The following KSR2 variants were observed in gnomAD, a reference collection of about 807,000 sequenced individuals.
KSR2 encodes kinase suppressor of ras 2.
Under a neutral mutation model 107.8 loss-of-function variants are expected in KSR2, and 25 were observed. The ratio of observed to expected loss-of-function variants is 0.23; its 90% CI spans 0.17 to 0.32. The LOEUF (loss-of-function observed/expected upper bound fraction) is 0.32. Among genes scored for constraint, KSR2 ranks in the 10% least tolerant of loss-of-function variants. KSR2 has a pLI of 1.00. For missense variants in KSR2, 887 were observed against 1,268.9 expected, an observed-to-expected ratio of 0.70 and a Z score of 4.57; for synonymous variants, 480 against 507.0, an observed-to-expected ratio of 0.95 and a Z score of 0.71.
chr12:117,844,055 T>A (rs1365055922), intron 3 of KSR2, among the ~76,000 whole-genome samples: 1 of 150,984 alleles, frequency 6.6e-6, no homozygotes, highest in Non-Finnish European at 1.5e-5. Flanking sequence ...GATTGACCCA[T>A]CACTGAGATC....
At chr12:117,717,380 A>G (rs886328354) in intron 4 of KSR2, among the ~76,000 whole-genome samples, 1 of 152,148 alleles carries the variant, frequency 6.6e-6, no homozygotes, top group Non-Finnish European at 1.5e-5. Flanking sequence ...TTAGCTAAGC[A>G]TGGTGGTACA....
rs1870497623 is a variant in KSR2, at chr12:117,454,426, T to C, written c.*12773A>G. The C allele has an allele frequency of 6.6e-6, 1 of 152,106 alleles. No individual in the cohort carries two copies. Among genetic ancestry groups the C allele is most frequent in the Non-Finnish European group, 1.5e-5 (1 of 68,018 alleles). The allele number at this position is 152,106 out of a possible 1,614,324, so 9.4% of individuals were successfully genotyped here. A position where few individuals can be genotyped will look rare whatever the true frequency, so the allele number is the denominator to read the frequency against. ...GCAGTAGCCACATATACCCTGGGAG[T>C]CTGGCGGTCAGCAAAGATGCTTTGT... On this transcript the variant is annotated 3_prime_UTR_variant, in exon 20 of 20. Coordinates refer to ENST00000339824, the MANE Select transcript of KSR2 (RefSeq NM_173598.6).
intron 4 of KSR2, among the ~76,000 whole-genome samples, chr12:117,716,207 A>G (rs2136671743): frequency 6.6e-6 from 1 of 152,286 alleles, no homozygotes; most frequent in Non-Finnish European, 1.5e-5. Flanking sequence ...AATCTTTCTC[A>G]TTTGCCATTT....
At chr12:117,719,475 T>G (rs1887124434) in intron 4 of KSR2, among the ~76,000 whole-genome samples, 1 of 152,192 alleles carries the variant, frequency 6.6e-6, no homozygotes, top group Admixed American at 6.5e-5. Context: ...GGATTATAGG[T>G]GTAAGCCACA....
chr12:117,685,572 C>T (rs957276449), intron 4 of KSR2, among the ~76,000 whole-genome samples: 3 of 152,264 alleles, frequency 2.0e-5, no homozygotes, highest in Admixed American at 1.3e-4. Context: ...CCAGTGCTAG[C>T]TTCTGCCCGC....
Position 117,594,140 on chromosome 12 carries a change from A to G in KSR2, c.1172-11781T>C, listed in dbSNP as rs1450277214. ...TGATGGAAATATGATGTTTCTCATT[A>G]TGTAGCCACTCTCTAGTTAATGTTC... On this transcript the variant is annotated intron_variant, in intron 5 of 19. Coordinates refer to ENST00000339824, the MANE Select transcript of KSR2 (RefSeq NM_173598.6). Among the ~76,000 whole-genome samples the G allele has an allele frequency of 2.0e-5, 3 of 152,190 alleles. No individual in the cohort carries two copies. In the East Asian group the frequency reaches 5.8e-4, roughly 29 times the overall value.
intron 14 of KSR2, among the ~76,000 whole-genome samples, chr12:117,502,999 T>G (rs906022264): frequency 6.6e-6 from 1 of 152,092 alleles, no homozygotes; most frequent in African/African-American, 2.4e-5. Flanking sequence ...AAACTATCAT[T>G]TCATTACCCC....
Position 117,570,387 on chromosome 12 carries a change from C to T in KSR2, c.1325+8732G>A, listed in dbSNP as rs146828618. On this transcript the variant is annotated intron_variant, in intron 7 of 19. Coordinates refer to ENST00000339824, the MANE Select transcript of KSR2 (RefSeq NM_173598.6). ...GTAGATGGTGTTAAACATCCTCCAA[C>T]GACAGGACAGCCCCCACAACAAAGA... Among the ~76,000 whole-genome samples, 779 of 152,194 alleles carry T rather than the reference C, an allele frequency of 5.1e-3. 2 individuals carry two copies. Among genetic ancestry groups the T allele is most frequent in the Non-Finnish European group, 7.7e-3 (526 of 68,008 alleles).
intron 18 of KSR2, 141 bp from the exon 19 acceptor site, chr12:117,469,936 TCCATCCAC>T (rs1208714303): frequency 1.2e-5 from 9 of 766,428 alleles, no homozygotes; most frequent in East Asian, 2.7e-5. Flanking sequence ...CATCCATCCA[TCCATCCAC>T]CCATCCGGTA....
At chr12:117,550,767 A>G (rs1462937920) in intron 9 of KSR2, among the ~76,000 whole-genome samples, 1 of 152,192 alleles carries the variant, frequency 6.6e-6, no homozygotes, top group Non-Finnish European at 1.5e-5. Flanking sequence ...CAACAGTAAC[A>G]ACACATCAGA....
chr12:117,663,368 T>C (rs1193083190), intron 5 of KSR2, among the ~76,000 whole-genome samples: 1 of 152,220 alleles, frequency 6.6e-6, no homozygotes, highest in African/African-American at 2.4e-5. Context: ...ACCTACCTTA[T>C]AGAGGATGAT....
chr12:117,457,525 G>A lies in KSR2; in HGVS notation c.*9674C>T, dbSNP rs137963659. On this transcript the variant is annotated 3_prime_UTR_variant, in exon 20 of 20. Coordinates refer to ENST00000339824, the MANE Select transcript of KSR2 (RefSeq NM_173598.6). ...CAGCTATGGGAGCTCATGGAGAACA[G>A]AGACTCCAAACTGGATGCCATATCA... The A allele has an allele frequency of 6.6e-6, 1 of 152,352 alleles. No homozygotes were observed. Among genetic ancestry groups the A allele is most frequent in the Non-Finnish European group, 1.5e-5 (1 of 68,056 alleles). The allele number at this position is 152,352 out of a possible 1,614,324, so 9.4% of individuals were successfully genotyped here.
At chr12:117,545,201 A>G (rs1472410958) in intron 9 of KSR2, among the ~76,000 whole-genome samples, 2 of 152,014 alleles carry the variant, frequency 1.3e-5, no homozygotes, top group African/African-American at 4.8e-5. Flanking sequence ...GCTGAACTCT[A>G]TTTTCTAAAT....
chr12:117,764,319 A>G (rs1889149655), intron 3 of KSR2, among the ~76,000 whole-genome samples: 1 of 151,746 alleles, frequency 6.6e-6, no homozygotes, highest in Non-Finnish European at 1.5e-5. Flanking sequence ...CACTTGTTAT[A>G]TTGGGACTGT....
intron 3 of KSR2, among the ~76,000 whole-genome samples, chr12:117,762,422 G>T (rs185875659): frequency 6.6e-6 from 1 of 152,118 alleles, no homozygotes; most frequent in African/African-American, 2.4e-5. Flanking sequence ...CCTTTGCTTG[G>T]AAAAGACACA....
intron 4 of KSR2, among the ~76,000 whole-genome samples, chr12:117,703,417 C>A (rs1473268486): frequency 6.6e-6 from 1 of 152,028 alleles, no homozygotes; most frequent in African/African-American, 2.4e-5. Context: ...TAAATGCCAC[C>A]CCTGATGTCC....
In KSR2 at chr12:117,692,449, CATATATATATATATATAT is replaced by C. The variant is rs57091494; in HGVS notation, c.987-24809_987-24792del. Among the ~76,000 whole-genome samples, 615 of 84,228 alleles carry C rather than the reference CATATATATATATATATAT, an allele frequency of 7.3e-3. 8 individuals are homozygous for C. The highest frequency in any genetic ancestry group is 0.021 in the South Asian group (35 of 1,680). The allele number at this position is 84,228 out of a possible 152,430, so 55.3% of individuals were successfully genotyped here. On this transcript the variant is annotated intron_variant, in intron 4 of 19. Transcript: ENST00000339824. ...TACCATATGACCTGGCAACTTCACT[CATATATATATATATATAT>C]ATATATATATATATATATATATATA... is the stretch of plus-strand genomic sequence containing the variant.
At chr12:117,672,734 C>T (rs1226191199) in intron 4 of KSR2, among the ~76,000 whole-genome samples, 3 of 152,150 alleles carry the variant, frequency 2.0e-5, no homozygotes, top group Non-Finnish European at 2.9e-5. Flanking sequence ...AAGGGATTCT[C>T]CTGCCTCAGC....
chr12:117,862,223 G>A (rs1377261714), intron 1 of KSR2, among the ~76,000 whole-genome samples: 2 of 151,490 alleles, frequency 1.3e-5, no homozygotes, highest in Non-Finnish European at 2.9e-5. Context: ...CACCAAACCT[G>A]GCCTATATTA....
Sources: gnomAD v4.1 joint callset for allele counts (sites outside exome capture counted in the v4.1 genomes callset) on GRCh38, gnomAD v4.1.1 for gene constraint, MANE v1.5 for transcripts, NCBI Gene and HGNC (gene_info 2026-07-23, HGNC 2026-07-21) for gene names.